Variants in CENPE observed in about 807,000 individuals in gnomAD.
The protein encoded by CENPE is centromere-associated protein E.
A neutral mutation model predicts 336.1 loss-of-function variants in CENPE; 145 were observed. The observed-to-expected ratio is 0.43, with a 90% confidence interval of 0.38 to 0.50. The LOEUF (loss-of-function observed/expected upper bound fraction) is 0.50. Ranked by LOEUF, CENPE falls within the 20% of genes least tolerant of loss-of-function variation. The pLI is 0.00. For synonymous variants in CENPE, 1,013 were observed against 984.8 expected (o/e 1.03, Z -0.54); for missense variants, 2,719 against 3,023.3 (o/e 0.90, Z 2.36).
At chr4:103,132,983 TA>T (rs1553926686) in intron 41 of CENPE, 87 bp from the exon 42 acceptor site, 5 of 191,146 alleles carry the variant, frequency 2.6e-5, no homozygotes, top group Non-Finnish European at 3.1e-5. Context: ...TATATATATA[TA>T]AAATAAAAAG....
intron 45 of CENPE, among the ~76,000 whole-genome samples, chr4:103,114,950 C>T (rs764919374): frequency 6.6e-6 from 1 of 152,090 alleles, no homozygotes; most frequent in South Asian, 2.1e-4. Flanking sequence ...GGAAAGCAAA[C>T]CCTGACTGCA....
rs752114738 is a variant in CENPE, at chr4:103,144,504, AC to A, written c.4971del (p.Lys1657AsnfsTer2). Reference protein sequence around the residue: ...EHLKEQFETQKLNLENIETEN... With the variant: ...EHLKEQFETQXLNLENIETEN... The stretch of plus-strand genomic sequence containing the variant: ...TCCGTTTCTATGTTTTCCAGGTTTA[AC>A]TTCTGGGTCTCAAATTGCTCCTTCA... On this transcript the variant is annotated frameshift_variant, in exon 33 of 49. Transcript: ENST00000265148. LOFTEE classifies it high-confidence loss of function. The A allele has an allele frequency of 6.2e-7, 1 of 1,613,910 alleles. No homozygotes were observed. Among genetic ancestry groups the A allele is most frequent in the Non-Finnish European group, 8.5e-7 (1 of 1,179,970 alleles).
intron 16 of CENPE, among the ~76,000 whole-genome samples, chr4:103,167,575 C>G (rs1755027576): frequency 6.6e-6 from 1 of 152,092 alleles, no homozygotes; most frequent in Non-Finnish European, 1.5e-5. Flanking sequence ...AGGAGGTCAC[C>G]TGCTCACATC....
chr4:103,128,135 A>T (rs1751286751), intron 42 of CENPE, among the ~76,000 whole-genome samples: 1 of 152,196 alleles, frequency 6.6e-6, no homozygotes, highest in African/African-American at 2.4e-5. Flanking sequence ...TTAATTTCAC[A>T]CATAGCAGAG....
intron 8 of CENPE, 57 bp downstream of exon 8, chr4:103,194,172 T>C (rs754919073): frequency 3.3e-5 from 44 of 1,318,546 alleles, no homozygotes; most frequent in Admixed American, 5.8e-5. Context: ...ATCCAGCAAC[T>C]AAATTAAATT....
At chr4:103,192,544 G>A (rs1311412862) in intron 8 of CENPE, among the ~76,000 whole-genome samples, 5 of 152,182 alleles carry the variant, frequency 3.3e-5, no homozygotes, top group African/African-American at 4.8e-5. Context: ...AGAGAGATGA[G>A]AAAGTAAATG....
chr4:103,113,178 GTGTATATATACTTATAAGTATATAA>G (rs1177391335), intron 46 of CENPE, among the ~76,000 whole-genome samples: 2 of 131,174 alleles, frequency 1.5e-5, no homozygotes, highest in Non-Finnish European at 3.2e-5. Context: ...AAGTATATAA[GTGTATATATACTTATAAGTATATAA>G]GTGTATATAT....
intron 13 of CENPE, 47 bp downstream of exon 13, chr4:103,180,264 T>A (rs767247245): frequency 1.1e-5 from 17 of 1,544,126 alleles, no homozygotes; most frequent in Non-Finnish European, 1.4e-5. Context: ...GAAATACCAA[T>A]TCTATTCTCT....
At chr4:103,196,716 C>A (rs6836471) in intron 2 of CENPE, 43 bp downstream of exon 2, 29 of 937,422 alleles carry the variant, frequency 3.1e-5, no homozygotes, top group Non-Finnish European at 4.2e-5. Flanking sequence ...CTTTTAATAG[C>A]AAAAGGATAA....
Position 103,161,215 on chromosome 4 carries a change from C to A in CENPE, c.2002G>T (p.Asp668Tyr). The A allele has an allele frequency of 1.2e-6, 2 of 1,609,752 alleles. No individual in the cohort carries two copies. The highest frequency in any genetic ancestry group is 1.1e-5 in the South Asian group (1 of 89,998). Residue 668 changes from aspartate (D) to tyrosine (Y), a missense_variant, in exon 20 of 49, where the codon GAT (aspartate) becomes TAT (tyrosine). Around this residue, in one of 5 missense-constraint regions of CENPE, gnomAD observed 2,437 missense variants for 2,513.3 expected, o/e 0.97. Coordinates refer to ENST00000265148, the MANE Select transcript of CENPE (RefSeq NM_001813.3). Reference protein sequence around the residue: ...LATTYKQMENDIQLYQSQLEA... With the variant: ...LATTYKQMENYIQLYQSQLEA... ...AACTGGCTTTGATATAACTGAATAT[C>A]ATTTTCCATTTGCTTGTATGTAGTT...
Position 103,158,778 on chromosome 4 carries a change from G to A in CENPE, c.2710C>T (p.Gln904Ter). ...EQLENRDSTLQTVEREKTLIT... is the reference protein window; with the variant it reads ...EQLENRDSTL Reference sequence around the variant, plus strand: ...AGTGTTTTCTCCCTTTCTACAGTTTGCAGCGTAGAATCTCTATTTTCTAAT... The same window carrying A: ...AGTGTTTTCTCCCTTTCTACAGTTTACAGCGTAGAATCTCTATTTTCTAAT... Residue 904 changes from glutamine to a stop codon, truncating the protein, a stop_gained, in exon 23 of 49, where the codon CAA becomes TAA. Transcript: ENST00000265148. LOFTEE classifies it high-confidence loss of function. 2 of 1,613,010 alleles carry A rather than the reference G, an allele frequency of 1.2e-6. No individual in the cohort carries two copies. The highest frequency in any genetic ancestry group is 8.5e-7 in the Non-Finnish European group (1 of 1,179,386).
At position 103,140,901 on chromosome 4, in the gene CENPE, T is replaced by G. The variant is rs1410445550; in HGVS notation, c.5667A>C (p.Lys1889Asn). The G allele has an allele frequency of 6.2e-7, 1 of 1,612,550 alleles. No homozygotes were observed. Among genetic ancestry groups the G allele is most frequent in the African/African-American group, 1.3e-5 (1 of 74,850 alleles). ...CTACTCTTCTTAGATTATCTCTTTC[T>G]TTCATTACAGATTTCATTTCTTCAA... Reference protein sequence around the residue: ...ENLEEMKSVMKERDNLRRVEE... With the variant: ...ENLEEMKSVMNERDNLRRVEE... Residue 1889 changes from lysine (K) to asparagine (N), a missense_variant, in exon 36 of 49, where the codon AAA becomes AAC. Physicochemically the swap from Lys to Asn is moderately conservative, Grantham distance 94. Coordinates refer to ENST00000265148, the MANE Select transcript of CENPE (RefSeq NM_001813.3).
chr4:103,163,863 C>G lies in CENPE; in HGVS notation c.1648-310G>C, dbSNP rs567471043. ...GTCAATAGCAAATTAGTATGCACTA[C>G]TTGGAGGAGAGATTTAAAAAGTGGT... is the stretch of plus-strand genomic sequence containing the variant. On this transcript the variant is annotated intron_variant, in intron 16 of 48. Transcript: ENST00000265148. Among the ~76,000 whole-genome samples the G allele has an allele frequency of 2.6e-5, 4 of 152,104 alleles. No homozygotes were observed. The South Asian group carries it at 8.3e-4, about 31-fold the overall frequency.
chr4:103,107,760 C>T (rs1414689097), intron 48 of CENPE, among the ~76,000 whole-genome samples: 3 of 152,152 alleles, frequency 2.0e-5, no homozygotes, highest in African/African-American at 4.8e-5. Flanking sequence ...TCCTTCTCTA[C>T]TCCAAGTCCA....
intron 42 of CENPE, among the ~76,000 whole-genome samples, chr4:103,127,679 T>A (rs1307225473): frequency 6.6e-6 from 1 of 152,204 alleles, no homozygotes; most frequent in African/African-American, 2.4e-5. Context: ...GTACTTATAT[T>A]ATCTGTGAAG....
intron 40 of CENPE, among the ~76,000 whole-genome samples, chr4:103,135,338 C>A (rs547605336): frequency 2.0e-5 from 3 of 152,260 alleles, no homozygotes; most frequent in Admixed American, 2.0e-4. Flanking sequence ...TTTCAGCCCC[C>A]AAACATCTCA....
At chr4:103,166,757 T>G (rs1754957055) in intron 16 of CENPE, among the ~76,000 whole-genome samples, 1 of 152,166 alleles carries the variant, frequency 6.6e-6, no homozygotes, top group African/African-American at 2.4e-5. Context: ...TATTTTTTTT[T>G]GAAGGGGGGA....
At chr4:103,124,572 T>G (rs1187260198) in intron 42 of CENPE, among the ~76,000 whole-genome samples, 1 of 152,222 alleles carries the variant, frequency 6.6e-6, no homozygotes, top group African/African-American at 2.4e-5. Flanking sequence ...ACCTCAATGT[T>G]AATAGGGAAA....
chr4:103,110,995 A>G lies in CENPE; in HGVS notation c.7557T>C (p.Thr2519=). ...AGGGTTTATTTGAAGGCTGAGGATC[A>G]GTATGTTCTGATATCACTGTGGGAG... The part of the protein sequence containing the change: ...AQDTSVISEH[T]DPQPSNKPLT... The change falls in exon 47 of 49, where the codon ACT becomes ACC. Residue 2519 remains threonine, a synonymous_variant. Transcript: ENST00000265148. 9 of 1,599,504 alleles carry G rather than the reference A, an allele frequency of 5.6e-6. No homozygotes were observed. The highest frequency in any genetic ancestry group is 7.7e-6 in the Non-Finnish European group (9 of 1,174,734).
Sources: gnomAD v4.1 joint callset for allele counts (sites outside exome capture counted in the v4.1 genomes callset) on GRCh38, gnomAD v4.1.1 for gene constraint, gnomAD v4.1.1 regional missense constraint, MANE v1.5 for transcripts, NCBI Gene and HGNC (gene_info 2026-07-23, HGNC 2026-07-21) for gene names.